The following TAFA1 variants were observed in gnomAD, a reference collection of about 807,000 sequenced individuals.
The protein encoded by TAFA1 is chemokine-like protein TAFA-1.
TAFA1 carries 4 observed loss-of-function variants against 18.5 expected under a neutral mutation model. The observed-to-expected ratio is 0.22, with a 90% confidence interval of 0.11 to 0.49. The LOEUF is 0.49. Ranked by LOEUF, TAFA1 falls within the 20% of genes least tolerant of loss-of-function variation. The pLI, the probability that TAFA1 is intolerant of heterozygous loss-of-function variation, is 0.98. For synonymous variants in TAFA1, 56 were observed against 55.2 expected (o/e 1.01, Z -0.06); for missense variants, 147 against 169.0 (o/e 0.87, Z 0.72).
At chr3:68,166,349 T>G (rs1453919801) in intron 2 of TAFA1, among the ~76,000 whole-genome samples, 1 of 152,204 alleles carries the variant, frequency 6.6e-6, no homozygotes, top group East Asian at 1.9e-4. Context: ...ATTAGTGCTT[T>G]CTTTTTCCTC....
chr3:68,075,699 T>C lies in TAFA1; in HGVS notation c.118+68955T>C, dbSNP rs1310532164. 4.1e-4 allele frequency among the ~76,000 whole-genome samples: 22 copies of C among 53,400 alleles called. No homozygotes were observed. The East Asian group carries it at 0.011, about 26-fold the overall frequency. 35.0% of individuals were successfully genotyped at this position (53,400 alleles called of 152,430 possible). A position where few individuals can be genotyped will look rare whatever the true frequency, so the allele number is the denominator to read the frequency against. On this transcript the variant is annotated intron_variant, in intron 2 of 4. Coordinates refer to ENST00000478136, the MANE Select transcript of TAFA1 (RefSeq NM_213609.4). The stretch of plus-strand genomic sequence containing the variant: ...GAACGACTATCTTTTCTTCTTTCCC[T>C]TTTTTTTTTTTTTTTTGGACAAGGT...
At chr3:68,167,632 G>A (rs941726219) in intron 2 of TAFA1, among the ~76,000 whole-genome samples, 1 of 151,650 alleles carries the variant, frequency 6.6e-6, no homozygotes, top group Non-Finnish European at 1.5e-5. Context: ...AGAGTTGGGG[G>A]CCTCAATCAA....
intron 3 of TAFA1, among the ~76,000 whole-genome samples, chr3:68,536,205 G>T (rs1203587268): frequency 6.6e-6 from 1 of 152,196 alleles, no homozygotes; most frequent in Non-Finnish European, 1.5e-5. Context: ...GAAAAGCATA[G>T]AAGGAAAGCC....
At chr3:68,401,474 G>A (rs920139638) in intron 2 of TAFA1, among the ~76,000 whole-genome samples, 34 of 152,298 alleles carry the variant, frequency 2.2e-4, no homozygotes, top group African/African-American at 7.5e-4. Flanking sequence ...AGGCACAGTG[G>A]CATCAAATAA....
At chr3:68,179,379 TG>T (rs1184580226) in intron 2 of TAFA1, among the ~76,000 whole-genome samples, 2 of 152,234 alleles carry the variant, frequency 1.3e-5, no homozygotes, top group Admixed American at 6.5e-5. Flanking sequence ...TATTACAGAA[TG>T]AAAGTGGAAT....
chr3:68,217,952 G>A (rs2066679753), intron 2 of TAFA1, among the ~76,000 whole-genome samples: 1 of 151,898 alleles, frequency 6.6e-6, no homozygotes. Context: ...ACCTTTAAAG[G>A]TTTAGAGGAA....
At chr3:68,395,750 G>C in intron 2 of TAFA1, among the ~76,000 whole-genome samples, 1 of 152,106 alleles carries the variant, frequency 6.6e-6, no homozygotes, top group East Asian at 1.9e-4. Context: ...AGTGAGAGTT[G>C]AACAATTAGA....
rs571246895 is a variant in TAFA1, at chr3:68,120,243, T to A, written c.118+113499T>A. 9.8e-5 allele frequency among the ~76,000 whole-genome samples: 13 copies of A among 132,556 alleles called. No individual in the cohort carries two copies. In the South Asian group the frequency reaches 2.8e-3, roughly 28 times the overall value. 87.0% of individuals were successfully genotyped at this position (132,556 alleles called of 152,430 possible). The stretch of plus-strand genomic sequence containing the variant: ...TTTCTTTCTTTCTTTCTTTCTTTCT[T>A]TCTTTCTTTCTTTCTTTCTTTTTTG... On this transcript the variant is annotated intron_variant, in intron 2 of 4. Transcript: ENST00000478136.
chr3:68,060,518 A>C (rs985706496), intron 2 of TAFA1, among the ~76,000 whole-genome samples: 3 of 152,178 alleles, frequency 2.0e-5, no homozygotes, highest in Non-Finnish European at 4.4e-5. Context: ...TCAGGCAGAG[A>C]AGCGGACAGG....
chr3:68,362,939 C>T (rs1477093947), intron 2 of TAFA1, among the ~76,000 whole-genome samples: 200 of 54,626 alleles, frequency 3.7e-3, no homozygotes, highest in South Asian at 0.016. Context: ...TAGATTTCTT[C>T]CTTTTTTTTT....
At chr3:68,522,581 G>A (rs1015493712) in intron 3 of TAFA1, among the ~76,000 whole-genome samples, 4 of 152,226 alleles carry the variant, frequency 2.6e-5, no homozygotes, top group African/African-American at 9.6e-5. Context: ...AGGTACAGAG[G>A]CTCATGCCTA....
chr3:68,478,931 T>TACAC (rs895718044), intron 3 of TAFA1, among the ~76,000 whole-genome samples: 32 of 149,766 alleles, frequency 2.1e-4, no homozygotes, highest in African/African-American at 7.6e-4. Flanking sequence ...TATATATATA[T>TACAC]ACATAAAAAT....
intron 2 of TAFA1, among the ~76,000 whole-genome samples, chr3:68,157,848 G>T (rs893244637): frequency 6.6e-6 from 1 of 152,146 alleles, no homozygotes; most frequent in African/African-American, 2.4e-5. Context: ...ACAAAAATAA[G>T]TCTACTTGGT....
intron 2 of TAFA1, among the ~76,000 whole-genome samples, chr3:68,075,141 C>A (rs1268680093): frequency 1.3e-5 from 2 of 152,182 alleles, no homozygotes; most frequent in Non-Finnish European, 2.9e-5. Context: ...CAATATTGCA[C>A]TGAGACTGGC....
intron 2 of TAFA1, among the ~76,000 whole-genome samples, chr3:68,170,905 T>C (rs1165028814): frequency 1.3e-5 from 2 of 151,628 alleles, no homozygotes; most frequent in Admixed American, 6.6e-5. Flanking sequence ...CACAAATATA[T>C]ACTTTACAGA....
intron 2 of TAFA1, among the ~76,000 whole-genome samples, chr3:68,015,921 C>A (rs1430054766): frequency 2.0e-5 from 3 of 152,122 alleles, no homozygotes; most frequent in African/African-American, 7.2e-5. Flanking sequence ...CTTTAACTGG[C>A]TGTCAGCTCT....
At chr3:68,105,405 T>G (rs2065192140) in intron 2 of TAFA1, among the ~76,000 whole-genome samples, 1 of 152,178 alleles carries the variant, frequency 6.6e-6, no homozygotes, top group Non-Finnish European at 1.5e-5. Context: ...GTTCAGCCAG[T>G]TAAACAAACA....
chr3:68,078,319 T>C (rs1194716423), intron 2 of TAFA1, among the ~76,000 whole-genome samples: 4 of 151,774 alleles, frequency 2.6e-5, no homozygotes, highest in Admixed American at 1.3e-4. Context: ...TCCTGCCTGA[T>C]TGCCCTGGCC....
chr3:68,453,783 TA>T (rs1248236803), intron 3 of TAFA1, among the ~76,000 whole-genome samples: 1 of 152,222 alleles, frequency 6.6e-6, no homozygotes, highest in East Asian at 1.9e-4. Flanking sequence ...CGCCATGATT[TA>T]AATGACAATT....
Sources: allele counts gnomAD v4.1 joint callset (sites outside exome capture counted in the v4.1 genomes callset), GRCh38; gene constraint gnomAD v4.1.1; transcripts MANE v1.5; gene names NCBI Gene and HGNC (gene_info 2026-07-23, HGNC 2026-07-21).